Variants in ITPRID1 observed in about 807,000 individuals in gnomAD.
ITPRID1 encodes the protein protein ITPRID1.
In ITPRID1, 96 loss-of-function variants were observed where a neutral mutation model predicts 95.4. The ratio of observed to expected loss-of-function variants is 1.01; its 90% CI spans 0.85 to 1.19. The LOEUF (loss-of-function observed/expected upper bound fraction) is 1.19. ITPRID1 is among the 50% of genes most tolerant of loss of function. The pLI is 0.00. For synonymous variants in ITPRID1, 510 were observed against 453.6 expected (o/e 1.12, Z -1.58); for missense variants, 1,339 against 1,252.9 (o/e 1.07, Z -1.04).
intron 10 of ITPRID1, among the ~76,000 whole-genome samples, chr7:31,598,455 G>C (rs1173850764): frequency 2.2e-5 from 3 of 138,768 alleles, no homozygotes; most frequent in Admixed American, 7.8e-5. Flanking sequence ...CCAGGCTGGA[G>C]TGCAGTGGCG....
At chr7:31,601,278 A>G (rs2069421912) in intron 10 of ITPRID1, among the ~76,000 whole-genome samples, 1 of 152,228 alleles carries the variant, frequency 6.6e-6, no homozygotes, top group African/African-American at 2.4e-5. Flanking sequence ...TGTTTATTGA[A>G]TGAGTACTTA....
chr7:31,574,568 A>G lies in ITPRID1; in HGVS notation c.424A>G (p.Ile142Val). The change falls in exon 8 of 15, where the codon ATA becomes GTA. Residue 142 changes from isoleucine (I) to valine (V), a missense_variant. Ile to Val is a conservative substitution (Grantham distance 29). Coordinates refer to ENST00000615280, the MANE Select transcript of ITPRID1 (RefSeq NM_001257967.3). ...TCCTGAATGGCTGGAATTTTGGGAG[A>G]TAGATCCAGTGGAGATTCTCTTGGA... ...SIPEWLEFWE[I>V]DPVEILLDLG... 1 of 1,613,684 alleles carries G rather than the reference A, an allele frequency of 6.2e-7. No individual in the cohort carries two copies. The highest frequency in any genetic ancestry group is 8.5e-7 in the Non-Finnish European group (1 of 1,179,638).
At chr7:31,634,941 T>C (rs1789346347) in intron 10 of ITPRID1, among the ~76,000 whole-genome samples, 1 of 152,110 alleles carries the variant, frequency 6.6e-6, no homozygotes, top group African/African-American at 2.4e-5. Context: ...TCCCCTAGTC[T>C]TGGCTTAGCT....
chr7:31,574,804 C>G, intron 8 of ITPRID1, 62 bp downstream of exon 8: 1 of 1,442,860 alleles, frequency 6.9e-7, no homozygotes, highest in Non-Finnish European at 9.7e-7. Context: ...AGGTGGGCCA[C>G]AGTGTAGGCG....
chr7:31,539,914 T>A (rs1183700559), intron 1 of ITPRID1, among the ~76,000 whole-genome samples: 1 of 151,458 alleles, frequency 6.6e-6, no homozygotes, highest in Admixed American at 6.6e-5. Context: ...CGGGGAGGGG[T>A]TTGGAATGTT....
intron 1 of ITPRID1, among the ~76,000 whole-genome samples, chr7:31,521,771 A>G (rs906161374): frequency 1.4e-5 from 2 of 146,684 alleles, no homozygotes; most frequent in Admixed American, 7.0e-5. Flanking sequence ...CCCAAGCTAT[A>G]GTACAGTGGC....
downstream of ITPRID1, chr7:31,656,575 T>C: frequency 1.5e-6 from 1 of 675,888 alleles, no homozygotes; most frequent in Non-Finnish European, 1.8e-6. Flanking sequence ...TACCTACCGC[T>C]TGATGAATGA....
chr7:31,571,902 C>T (rs1785002766), intron 6 of ITPRID1, among the ~76,000 whole-genome samples, 200 bp from the exon 7 acceptor site: 1 of 152,134 alleles, frequency 6.6e-6, no homozygotes, highest in Non-Finnish European at 1.5e-5. Context: ...AATTCTTACA[C>T]CTTCTATAAT....
intron 9 of ITPRID1, among the ~76,000 whole-genome samples, chr7:31,581,248 AGTC>A (rs1162093911): frequency 6.6e-6 from 1 of 152,154 alleles, no homozygotes; most frequent in Non-Finnish European, 1.5e-5. Context: ...CTTTCCCTAA[AGTC>A]GTACTAAAAG....
intron 10 of ITPRID1, among the ~76,000 whole-genome samples, chr7:31,611,826 G>A (rs1472637772): frequency 6.6e-6 from 1 of 151,918 alleles, no homozygotes; most frequent in Non-Finnish European, 1.5e-5. Flanking sequence ...GTGTCTGAGT[G>A]TGTATTTCTC....
At chr7:31,530,344 CTAAATA>C (rs1276143639) in intron 1 of ITPRID1, among the ~76,000 whole-genome samples, 2 of 152,096 alleles carry the variant, frequency 1.3e-5, no homozygotes, top group Admixed American at 6.6e-5. Flanking sequence ...AGTGAATTCA[CTAAATA>C]TAAAGACTGA....
At chr7:31,631,193 AAAGAGAAACCTATC>A (rs1302503097) in intron 10 of ITPRID1, among the ~76,000 whole-genome samples, 6 of 152,252 alleles carry the variant, frequency 3.9e-5, no homozygotes, top group Non-Finnish European at 8.8e-5. Flanking sequence ...AGATAAAAAA[AAAGAGAAACCTATC>A]AATTGTTTTT....
chr7:31,524,571 T>C (rs1373324194), intron 1 of ITPRID1, among the ~76,000 whole-genome samples: 1 of 152,226 alleles, frequency 6.6e-6, no homozygotes, highest in Non-Finnish European at 1.5e-5. Context: ...ATTTCAGTTT[T>C]CTTATTGACT....
At chr7:31,658,535 T>C (rs1791395498), downstream of ITPRID1, 1 of 536,430 alleles carries the variant, frequency 1.9e-6, no homozygotes, top group East Asian at 3.3e-5. Context: ...TGTGGAATGG[T>C]GGGTTGCATA....
chr7:31,526,934 T>C (rs1783440983), intron 1 of ITPRID1, among the ~76,000 whole-genome samples: 1 of 152,180 alleles, frequency 6.6e-6, no homozygotes, highest in African/African-American at 2.4e-5. Context: ...CACTTCCCAC[T>C]GCCCTCAGAA....
chr7:31,546,321 T>A (rs1348496323), intron 1 of ITPRID1, among the ~76,000 whole-genome samples: 1 of 152,108 alleles, frequency 6.6e-6, no homozygotes. Context: ...TTTACTCCAA[T>A]AATTTTTGTA....
At chr7:31,642,284 G>A (rs1790094717) in intron 11 of ITPRID1, 26 bp downstream of exon 11, 1 of 1,474,104 alleles carries the variant, frequency 6.8e-7, no homozygotes, top group Non-Finnish European at 9.2e-7. Flanking sequence ...ACAGGGCCCT[G>A]TTGCTCATCC....
chr7:31,589,197 C>T (rs545707312), intron 10 of ITPRID1, among the ~76,000 whole-genome samples: 65 of 152,106 alleles, frequency 4.3e-4, no homozygotes, highest in Admixed American at 1.4e-3. Context: ...ATTCAATATT[C>T]ATTTAACATT....
intron 10 of ITPRID1, among the ~76,000 whole-genome samples, chr7:31,630,741 A>T (rs1179744746): frequency 1.3e-5 from 2 of 152,178 alleles, no homozygotes; most frequent in African/African-American, 4.8e-5. Flanking sequence ...AAGACTCAAA[A>T]GGTCATTAAG....
Sources: gnomAD v4.1 joint callset for allele counts (sites outside exome capture counted in the v4.1 genomes callset) on GRCh38, gnomAD v4.1.1 for gene constraint, MANE v1.5 for transcripts, NCBI Gene and HGNC (gene_info 2026-07-23, HGNC 2026-07-21) for gene names.